CNKSR2: variants seen among roughly 807,000 people sequenced by gnomAD.
CNKSR2 encodes connector enhancer of kinase suppressor of Ras 2.
A neutral mutation model predicts 84.4 loss-of-function variants in CNKSR2; 14 were observed. That is an observed-to-expected ratio of 0.17 (90% CI 0.11 to 0.26). CNKSR2 has a LOEUF of 0.26. Ranked by LOEUF, CNKSR2 falls within the 10% of genes least tolerant of loss-of-function variation. The pLI is 1.00. For missense variants in CNKSR2, 485 were observed against 771.2 expected, an observed-to-expected ratio of 0.63 and a Z score of 4.40; for synonymous variants, 275 against 277.9, an observed-to-expected ratio of 0.99 and a Z score of 0.10.
At chrX:21,615,727 G>T (rs2092573918) in intron 20 of CNKSR2, among the ~76,000 whole-genome samples, 1 of 111,299 alleles carries the variant, frequency 9.0e-6, no homozygotes, top group African/African-American at 3.3e-5. Context: ...GGCAAAGCGG[G>T]CAATTACAAT....
At chrX:21,514,117 AC>A (rs1316136897) in intron 8 of CNKSR2, among the ~76,000 whole-genome samples, 1 of 111,935 alleles carries the variant, frequency 8.9e-6, no homozygotes, top group Middle Eastern at 4.3e-3. Context: ...TTTGGAACTT[AC>A]TTTTTTCACA....
intron 8 of CNKSR2, among the ~76,000 whole-genome samples, chrX:21,514,636 T>C (rs761581364): frequency 1.0e-3 from 117 of 111,557 alleles, no homozygotes; most frequent in African/African-American, 3.6e-3. Flanking sequence ...GAAAAGAAAT[T>C]GGTGAGTAGA....
At chrX:21,616,652 A>G (rs952292091) in intron 20 of CNKSR2, among the ~76,000 whole-genome samples, 2 of 111,621 alleles carry the variant, frequency 1.8e-5, no homozygotes, top group Admixed American at 9.5e-5. Context: ...CTCCTGTTTC[A>G]CTGCCATTTC....
intron 18 of CNKSR2, among the ~76,000 whole-genome samples, chrX:21,605,392 A>G (rs1278039768): frequency 8.9e-6 from 1 of 112,572 alleles, no homozygotes; most frequent in Admixed American, 9.4e-5. Context: ...TAAAGCAGCA[A>G]TAGAATTTTC....
chrX:21,399,218 G>T (rs1423754970), intron 1 of CNKSR2, among the ~76,000 whole-genome samples: 1 of 111,230 alleles, frequency 9.0e-6, no homozygotes, highest in African/African-American at 3.3e-5. Flanking sequence ...TAAATAACCT[G>T]AAAGCATAAA....
chrX:21,431,600 G>A (rs2090634814), intron 2 of CNKSR2, among the ~76,000 whole-genome samples: 1 of 111,724 alleles, frequency 9.0e-6, no homozygotes, highest in African/African-American at 3.2e-5. Context: ...CAACAGTAAT[G>A]TGCATGCTGC....
chrX:21,650,657 A>G (rs1484097227), intron 21 of CNKSR2, among the ~76,000 whole-genome samples: 1 of 112,068 alleles, frequency 8.9e-6, no homozygotes, highest in East Asian at 2.8e-4. Context: ...TTTGGGAAAT[A>G]TTTCAGATCC....
intron 1 of CNKSR2, among the ~76,000 whole-genome samples, chrX:21,415,869 C>T (rs760961383): frequency 0.044 from 4,007 of 91,711 alleles, 280 homozygotes; most frequent in African/African-American, 0.17. Context: ...CACACACACA[C>T]ACATATATAT....
At chrX:21,577,982 A>G (rs2092329723) in intron 13 of CNKSR2, among the ~76,000 whole-genome samples, 1 of 111,309 alleles carries the variant, frequency 9.0e-6, no homozygotes, top group African/African-American at 3.3e-5. Context: ...TTTTCTAAGA[A>G]CTATGTTAAA....
At chrX:21,470,655 C>T (rs2091185911) in intron 4 of CNKSR2, 111 bp from the exon 5 acceptor site, 1 of 357,762 alleles carries the variant, frequency 2.8e-6, no homozygotes. Context: ...GTTATTATTG[C>T]TTTTACTTGA....
intron 13 of CNKSR2, among the ~76,000 whole-genome samples, chrX:21,563,846 T>C (rs2092214690): frequency 9.1e-6 from 1 of 110,093 alleles, no homozygotes; most frequent in African/African-American, 3.3e-5. Context: ...ACATGGAGAG[T>C]AGGGCTAGAG....
chrX:21,513,293 T>C (rs931116523), intron 8 of CNKSR2, among the ~76,000 whole-genome samples: 5 of 111,496 alleles, frequency 4.5e-5, no homozygotes, highest in African/African-American at 9.8e-5. Flanking sequence ...GGTACACTTA[T>C]TGGTAGGGAA....
chrX:21,409,996 T>C (rs971976785), intron 1 of CNKSR2, among the ~76,000 whole-genome samples: 1 of 109,130 alleles, frequency 9.2e-6, no homozygotes, highest in African/African-American at 3.4e-5. Context: ...AAAAACGGCA[T>C]AGCTAAATAA....
intron 9 of CNKSR2, among the ~76,000 whole-genome samples, chrX:21,517,610 A>G (rs759324896): frequency 9.0e-6 from 1 of 111,301 alleles, no homozygotes; most frequent in Admixed American, 9.6e-5. Context: ...CAAGGATGTA[A>G]TGATTTTTTT....
At chrX:21,501,491 C>G in intron 7 of CNKSR2, 29 bp from the exon 8 acceptor site, 1 of 1,007,286 alleles carries the variant, frequency 9.9e-7, no homozygotes, top group East Asian at 3.2e-5. Context: ...AATTTATGTT[C>G]TTTATCGTTT....
chrX:21,472,382 T>C lies in CNKSR2; in HGVS notation c.561+1575T>C, dbSNP rs139101682. Among the ~76,000 whole-genome samples the C allele has an allele frequency of 9.4e-3, 1,047 of 111,938 alleles. 12 individuals are homozygous for C. The highest frequency in any genetic ancestry group is 0.031 in the African/African-American group (948 of 30,816). ...GTGTGTGTTAACATTTTTTTCTTTA[T>C]CAAGTTTCTCAGGAGTAATCTCCCT... On this transcript the variant is annotated intron_variant, in intron 5 of 21. Coordinates refer to ENST00000379510, the MANE Select transcript of CNKSR2 (RefSeq NM_014927.5).
rs1363288653 is a variant in CNKSR2, at chrX:21,374,621, A to AGCC, written c.-275_-274insCGC. On this transcript the variant is annotated 5_prime_UTR_variant, in exon 1 of 22. Transcript: ENST00000379510. ...CAGCAGCAGCAGCAGCAGCAGCAGC[A>AGCC]GCAGCAGCAGCCGCCGCCGCCGCCG... 1.6e-5 allele frequency: 8 copies of AGCC among 506,452 alleles called. No individual in the cohort carries two copies. Among genetic ancestry groups the AGCC allele is most frequent in the South Asian group, 1.3e-4 (5 of 39,505 alleles). 41.7% of individuals were successfully genotyped at this position (506,452 alleles called of 1,213,427 possible).
chrX:21,518,576 A>G (rs1313676585), intron 9 of CNKSR2, among the ~76,000 whole-genome samples: 1 of 111,820 alleles, frequency 8.9e-6, no homozygotes, highest in African/African-American at 3.2e-5. Context: ...AAATGCTAAA[A>G]TAATTGAAAG....
chrX:21,454,102 A>G (rs1195767455), intron 4 of CNKSR2, among the ~76,000 whole-genome samples: 1 of 111,062 alleles, frequency 9.0e-6, no homozygotes, highest in Admixed American at 9.6e-5. Flanking sequence ...CATCCTTCCA[A>G]CCTCAATTTA....
Sources: gnomAD v4.1 joint callset for allele counts (sites outside exome capture counted in the v4.1 genomes callset) on GRCh38, gnomAD v4.1.1 for gene constraint, MANE v1.5 for transcripts, NCBI Gene and HGNC (gene_info 2026-07-23, HGNC 2026-07-21) for gene names.